Variants in REV3L observed in about 807,000 individuals in gnomAD.
The protein encoded by REV3L is REV3 like, DNA directed polymerase zeta catalytic subunit, also known as DNA polymerase zeta catalytic subunit.
Under a neutral mutation model 299.4 loss-of-function variants are expected in REV3L, and 69 were observed. The observed-to-expected ratio is 0.23, with a 90% CI of 0.19 to 0.28. The LOEUF is 0.28. Among genes scored for constraint, REV3L ranks in the 10% least tolerant of loss-of-function variants. The pLI is 1.00. For missense variants in REV3L, 3,128 were observed against 3,693.8 expected, an observed-to-expected ratio of 0.85 and a Z score of 3.97; for synonymous variants, 1,238 against 1,271.4, an observed-to-expected ratio of 0.97 and a Z score of 0.56.
chr6:111,422,680 GTATATATA>G lies in REV3L; in HGVS notation c.140-6216_140-6209del, dbSNP rs774474693. On this transcript the variant is annotated intron_variant, in intron 1 of 31. Coordinates refer to ENST00000368802, the MANE Select transcript of REV3L (RefSeq NM_001372078.1). ...TATATATACATATATATATATATAC[GTATATATA>G]TATATATATATATTTCCCCCCACTA... Among the ~76,000 whole-genome samples, 7 of 11,218 alleles carry G rather than the reference GTATATATA, an allele frequency of 6.2e-4. 1 individual carries two copies. Among genetic ancestry groups the G allele is most frequent in the South Asian group, 3.6e-3 (1 of 276 alleles). 7.4% of individuals were successfully genotyped at this position (11,218 alleles called of 152,430 possible). A position where few individuals can be genotyped will look rare whatever the true frequency, so the allele number is the denominator to read the frequency against.
chr6:111,326,738 G>A (rs1774866993), intron 25 of REV3L, among the ~76,000 whole-genome samples: 1 of 151,556 alleles, frequency 6.6e-6, no homozygotes. Context: ...AATGGATAAA[G>A]GAAATGCCAT....
At chr6:111,435,695 T>A (rs2128303093) in intron 1 of REV3L, among the ~76,000 whole-genome samples, 1 of 152,260 alleles carries the variant, frequency 6.6e-6, no homozygotes, top group Admixed American at 6.5e-5. Context: ...ATCTAACACC[T>A]GAAACTATGA....
chr6:111,315,475 T>C (rs1168300371), intron 26 of REV3L, 94 bp from the exon 27 acceptor site: 1 of 873,414 alleles, frequency 1.1e-6, no homozygotes, highest in Admixed American at 2.5e-5. Context: ...TCTTGTCTAA[T>C]GCCAAAGAAA....
chr6:111,372,743 G>T lies in REV3L; in HGVS notation c.5612C>A (p.Thr1871Asn), dbSNP rs756702590. Residue 1871 changes from threonine to asparagine, a missense_variant, in exon 13 of 32, where the codon ACC becomes AAC. Thr to Asn is a moderately conservative substitution (Grantham distance 65). Transcript: ENST00000368802. Reference protein sequence around the residue: ...SPSQSKNGSFTPRTANILKPL... With the variant: ...SPSQSKNGSFNPRTANILKPL... Reference sequence around the variant, plus strand: ...TTTCAGAATGTTAGCAGTTCGAGGGGTGAAGCTGCCATTTTTAGATTGTGA... The same window carrying T: ...TTTCAGAATGTTAGCAGTTCGAGGGTTGAAGCTGCCATTTTTAGATTGTGA... The T allele has an allele frequency of 1.2e-6, 2 of 1,612,108 alleles. No homozygotes were observed. Among genetic ancestry groups the T allele is most frequent in the Non-Finnish European group, 1.7e-6 (2 of 1,179,252 alleles).
At chr6:111,336,082 G>A (rs1775869613) in intron 21 of REV3L, among the ~76,000 whole-genome samples, 1 of 150,876 alleles carries the variant, frequency 6.6e-6, no homozygotes, top group Non-Finnish European at 1.5e-5. Flanking sequence ...AGAGTAATTT[G>A]GTGAAGATTT....
intron 23 of REV3L, among the ~76,000 whole-genome samples, chr6:111,332,058 T>C (rs1258558355): frequency 6.6e-6 from 1 of 152,138 alleles, no homozygotes; most frequent in Non-Finnish European, 1.5e-5. Flanking sequence ...CAACATCTGA[T>C]CATCTTATTT....
intron 18 of REV3L, among the ~76,000 whole-genome samples, chr6:111,356,087 T>C (rs920687508): frequency 6.6e-6 from 1 of 152,164 alleles, no homozygotes; most frequent in Non-Finnish European, 1.5e-5. Flanking sequence ...AATATCATCT[T>C]AATTTTTCAT....
In REV3L at chr6:111,375,102, G is replaced by C. The variant is rs766122732; in HGVS notation, c.3253C>G (p.Leu1085Val). Residue 1085 changes from leucine to valine, a missense_variant, in exon 13 of 32, where the codon CTT (leucine) becomes GTT (valine). Coordinates refer to ENST00000368802, the MANE Select transcript of REV3L (RefSeq NM_001372078.1). ...SFRKKRSHAI[L>V]SPPSPSYNAE... ...TTGTAAGATGGTGAGGGAGGAGAAA[G>C]AATAGCATGTGACCGTTTTTTCCTG... The C allele has an allele frequency of 6.2e-7, 1 of 1,613,182 alleles. No individual in the cohort carries two copies. Among genetic ancestry groups the C allele is most frequent in the Non-Finnish European group, 8.5e-7 (1 of 1,179,696 alleles).
At chr6:111,409,626 C>T (rs1208991980) in intron 3 of REV3L, among the ~76,000 whole-genome samples, 3 of 152,120 alleles carry the variant, frequency 2.0e-5, no homozygotes, top group Non-Finnish European at 4.4e-5. Flanking sequence ...ATGATGGGTT[C>T]TGTTTTCTCT....
intron 1 of REV3L, among the ~76,000 whole-genome samples, chr6:111,433,764 A>C (rs1277497800): frequency 2.6e-5 from 4 of 152,242 alleles, no homozygotes; most frequent in Non-Finnish European, 5.9e-5. Flanking sequence ...AGAAGACTAC[A>C]GGCCAACATC....
intron 1 of REV3L, among the ~76,000 whole-genome samples, chr6:111,436,393 GATGA>G (rs1787555536): frequency 6.6e-6 from 1 of 152,214 alleles, no homozygotes; most frequent in African/African-American, 2.4e-5. Flanking sequence ...CCCATCAGTG[GATGA>G]ATGGATAAAG....
chr6:111,408,822 C>T (rs1291433941), intron 3 of REV3L, among the ~76,000 whole-genome samples: 1 of 152,058 alleles, frequency 6.6e-6, no homozygotes, highest in South Asian at 2.1e-4. Context: ...ATAGCTAAGA[C>T]GATAGGTGCT....
intron 9 of REV3L, among the ~76,000 whole-genome samples, chr6:111,385,595 T>C (rs1781264805): frequency 6.6e-6 from 1 of 151,882 alleles, no homozygotes; most frequent in Non-Finnish European, 1.5e-5. Context: ...ACATTAAAAC[T>C]GAAGACATGT....
intron 1 of REV3L, among the ~76,000 whole-genome samples, chr6:111,463,244 A>G (rs1042514861): frequency 3.3e-4 from 50 of 152,352 alleles, no homozygotes; most frequent in African/African-American, 1.2e-3. Flanking sequence ...CATTATTACC[A>G]TAAGCAATGG....
At chr6:111,441,879 T>C (rs1157244310) in intron 1 of REV3L, among the ~76,000 whole-genome samples, 3 of 152,174 alleles carry the variant, frequency 2.0e-5, no homozygotes, top group Admixed American at 6.5e-5. Context: ...AACCTGTTGA[T>C]GTGGGGTATG....
In REV3L at chr6:111,367,309, A is replaced by T. The variant is rs762635274; in HGVS notation, c.6479T>A (p.Phe2160Tyr). The change falls in exon 14 of 32, where the codon TTC (phenylalanine) becomes TAC (tyrosine). Residue 2160 changes from phenylalanine (F) to tyrosine (Y), a missense_variant. Coordinates refer to ENST00000368802, the MANE Select transcript of REV3L (RefSeq NM_001372078.1). Reference sequence around the variant, plus strand: ...TATACCATCTTTTATTGGCTTTAAGAAGTTCTCAAAAGCCAATGAAGGCAG... The same window carrying T: ...TATACCATCTTTTATTGGCTTTAAGTAGTTCTCAAAAGCCAATGAAGGCAG... ...EELPSLAFEN[F>Y]LKPIKDGIQK... 6.2e-7 allele frequency: 1 copy of T among 1,608,934 alleles called. No homozygotes were observed. Among genetic ancestry groups the T allele is most frequent in the Non-Finnish European group, 8.5e-7 (1 of 1,178,492 alleles).
intron 9 of REV3L, among the ~76,000 whole-genome samples, chr6:111,385,192 C>A (rs1781225356): frequency 6.6e-6 from 1 of 151,734 alleles, no homozygotes; most frequent in Non-Finnish European, 1.5e-5. Flanking sequence ...TTTGATAGCA[C>A]AACACAGTGA....
At chr6:111,461,302 TA>T (rs1790745422) in intron 1 of REV3L, among the ~76,000 whole-genome samples, 1 of 152,028 alleles carries the variant, frequency 6.6e-6, no homozygotes, top group Non-Finnish European at 1.5e-5. Context: ...TCTTAGTTTT[TA>T]ACAAAAGTTT....
chr6:111,401,664 G>T (rs916873248), intron 4 of REV3L, among the ~76,000 whole-genome samples: 8 of 152,130 alleles, frequency 5.3e-5, no homozygotes, highest in African/African-American at 1.7e-4. Flanking sequence ...TTAACAAGTT[G>T]TCACCACAAA....
Sources: allele counts gnomAD v4.1 joint callset (sites outside exome capture counted in the v4.1 genomes callset), GRCh38; gene constraint gnomAD v4.1.1; transcripts MANE v1.5; gene names NCBI Gene and HGNC (gene_info 2026-07-23, HGNC 2026-07-21).